Variants in CCSER1 observed in about 807,000 individuals in gnomAD.
CCSER1 encodes coiled-coil serine rich protein 1.
Under a neutral mutation model 82.0 loss-of-function variants are expected in CCSER1, and 41 were observed. The observed-to-expected ratio is 0.50, with a 90% CI of 0.39 to 0.65. The LOEUF is 0.65. Ranked by LOEUF, CCSER1 falls within the 30% of genes least tolerant of loss-of-function variation. The probability of loss-of-function intolerance (pLI) is 0.00; values close to 1 mark genes in which losing one functional copy is unlikely to be tolerated. For missense variants in CCSER1, 1,119 were observed against 1,064.2 expected (o/e 1.05, Z -0.72); for synonymous variants, 414 against 383.9 (o/e 1.08, Z -0.92).
At position 90,309,499 on chromosome 4, in the gene CCSER1, A is replaced by G; in HGVS notation, c.1215A>G (p.Glu405=). ...ATGAGCAACATAAAGCAATAGCGGA[A>G]CATGTAAAAGGGATCCATCCTATTT... ...GFYEQHKAIA[E]HVKGIHPISD... is the part of the protein sequence containing the mutation. The change falls in exon 2 of 11, where the codon GAA becomes GAG. Residue 405 remains glutamate, a synonymous_variant. Coordinates refer to ENST00000509176, the MANE Select transcript of CCSER1 (RefSeq NM_001145065.2). 1.2e-6 allele frequency: 2 copies of G among 1,613,856 alleles called. No individual in the cohort carries two copies. Among genetic ancestry groups the G allele is most frequent in the African/African-American group, 1.3e-5 (1 of 75,044 alleles).
At chr4:91,450,767 G>A (rs914337276) in intron 10 of CCSER1, among the ~76,000 whole-genome samples, 4 of 151,886 alleles carry the variant, frequency 2.6e-5, no homozygotes, top group Non-Finnish European at 5.9e-5. Flanking sequence ...TCTTCAGTTC[G>A]GTACTAATCA....
chr4:90,494,807 T>C (rs1322996971), intron 5 of CCSER1, among the ~76,000 whole-genome samples: 1 of 152,098 alleles, frequency 6.6e-6, no homozygotes, highest in Non-Finnish European at 1.5e-5. Context: ...GTCCAACATA[T>C]ACACTTTTAC....
chr4:90,988,781 G>T (rs929455861), intron 9 of CCSER1, among the ~76,000 whole-genome samples: 12 of 151,510 alleles, frequency 7.9e-5, no homozygotes, highest in Non-Finnish European at 1.5e-4. Context: ...TTTAAGCTTT[G>T]ATAATACATG....
intron 9 of CCSER1, among the ~76,000 whole-genome samples, chr4:90,933,147 G>A (rs1236979620): frequency 9.0e-6 from 1 of 111,506 alleles, no homozygotes; most frequent in East Asian, 2.3e-4. Flanking sequence ...GTGTGTGTGT[G>A]TGTGTGTGTG....
intron 10 of CCSER1, among the ~76,000 whole-genome samples, chr4:91,493,494 T>C (rs1012956204): frequency 1.3e-5 from 2 of 151,866 alleles, no homozygotes; most frequent in Non-Finnish European, 2.9e-5. Context: ...TTTATTACAA[T>C]GAAACCATTA....
intron 4 of CCSER1, among the ~76,000 whole-genome samples, chr4:90,431,446 T>C (rs186631460): frequency 2.0e-5 from 3 of 152,010 alleles, no homozygotes; most frequent in African/African-American, 7.2e-5. Context: ...AGAGTCTTAG[T>C]GTGGGGAAAG....
At chr4:90,720,510 A>C (rs1742489884) in intron 6 of CCSER1, among the ~76,000 whole-genome samples, 1 of 152,022 alleles carries the variant, frequency 6.6e-6, no homozygotes, top group Non-Finnish European at 1.5e-5. Flanking sequence ...AATAAATTTA[A>C]ATTTTAAATT....
At chr4:91,245,144 T>C (rs1739663173) in intron 10 of CCSER1, among the ~76,000 whole-genome samples, 1 of 152,036 alleles carries the variant, frequency 6.6e-6, no homozygotes, top group Admixed American at 6.6e-5. Context: ...CTGCAAGATC[T>C]GGAAAATAGC....
chr4:90,308,740 A>G lies in CCSER1; in HGVS notation c.456A>G (p.Leu152=), dbSNP rs1734778058. 24 of 1,613,800 alleles carry G rather than the reference A, an allele frequency of 1.5e-5. No individual in the cohort carries two copies. Among genetic ancestry groups the G allele is most frequent in the Non-Finnish European group, 1.9e-5 (23 of 1,179,826 alleles). The change falls in exon 2 of 11, where the codon CTA becomes CTG. Residue 152 remains leucine (L), a synonymous_variant. Coordinates refer to ENST00000509176, the MANE Select transcript of CCSER1 (RefSeq NM_001145065.2). ...STNKNVFINC[L]SSGKSEGDDS... Reference sequence around the variant, plus strand: ...ACAAGAATGTCTTTATAAATTGTCTAAGTTCTGGCAAAAGTGAAGGGGATG... The same window carrying G: ...ACAAGAATGTCTTTATAAATTGTCTGAGTTCTGGCAAAAGTGAAGGGGATG...
chr4:90,556,188 A>G (rs956338252), intron 5 of CCSER1, among the ~76,000 whole-genome samples: 2 of 152,154 alleles, frequency 1.3e-5, no homozygotes, highest in African/African-American at 4.8e-5. Flanking sequence ...AATGTAGCCA[A>G]AAACTCATAC....
intron 8 of CCSER1, among the ~76,000 whole-genome samples, chr4:90,823,230 T>C (rs566053655): frequency 9.2e-5 from 14 of 151,494 alleles, no homozygotes; most frequent in African/African-American, 3.1e-4. Context: ...CACACATACA[T>C]ACACACACAC....
intron 5 of CCSER1, among the ~76,000 whole-genome samples, chr4:90,580,806 C>G (rs17017207): frequency 0.019 from 2,836 of 152,250 alleles, 92 homozygotes; most frequent in African/African-American, 0.064. Context: ...CTATTGTAGC[C>G]TCTGTCAGTG....
intron 6 of CCSER1, among the ~76,000 whole-genome samples, chr4:90,704,701 C>G (rs1738946335): frequency 6.6e-6 from 1 of 152,186 alleles, no homozygotes; most frequent in Non-Finnish European, 1.5e-5. Flanking sequence ...TTGAACTTCT[C>G]TTCTCACTTC....
chr4:91,020,314 A>C (rs1325414433), intron 9 of CCSER1, among the ~76,000 whole-genome samples: 2 of 152,316 alleles, frequency 1.3e-5, no homozygotes, highest in East Asian at 3.9e-4. Context: ...CCCTTTGGTA[A>C]GTATTCTCTA....
intron 6 of CCSER1, among the ~76,000 whole-genome samples, chr4:90,651,625 C>T (rs1477578973): frequency 2.6e-5 from 4 of 151,710 alleles, no homozygotes; most frequent in Non-Finnish European, 4.4e-5. Flanking sequence ...CACCATGGCA[C>T]GTGTATACCT....
intron 10 of CCSER1, among the ~76,000 whole-genome samples, chr4:91,389,118 A>C (rs1284386063): frequency 6.6e-6 from 1 of 152,032 alleles, no homozygotes; most frequent in Non-Finnish European, 1.5e-5. Flanking sequence ...TTGGTGTTAT[A>C]TCTAAAAATT....
chr4:91,510,741 C>A (rs183734438), intron 10 of CCSER1, among the ~76,000 whole-genome samples: 2 of 152,112 alleles, frequency 1.3e-5, no homozygotes, highest in Admixed American at 1.3e-4. Flanking sequence ...TTGGATACAT[C>A]GTTTGCAAAT....
chr4:91,597,360 T>C (rs1246751362), intron 10 of CCSER1, among the ~76,000 whole-genome samples: 1 of 152,122 alleles, frequency 6.6e-6, no homozygotes, highest in African/African-American at 2.4e-5. Flanking sequence ...ATTAAATGGT[T>C]AATATGTGCC....
chr4:91,549,188 T>A (rs924807488), intron 10 of CCSER1, among the ~76,000 whole-genome samples: 3 of 152,170 alleles, frequency 2.0e-5, no homozygotes, highest in Non-Finnish European at 4.4e-5. Flanking sequence ...TATACTGTTT[T>A]TGGTCTCTAG....
Sources: allele counts gnomAD v4.1 joint callset (sites outside exome capture counted in the v4.1 genomes callset), GRCh38; gene constraint gnomAD v4.1.1; transcripts MANE v1.5; gene names NCBI Gene and HGNC (gene_info 2026-07-23, HGNC 2026-07-21).